ANXA4: variants seen among roughly 807,000 people sequenced by gnomAD.
ANXA4 encodes the protein annexin A4.
In ANXA4, 39 loss-of-function variants were observed where a neutral mutation model predicts 49.8. That is an observed-to-expected ratio of 0.78 (90% CI 0.61 to 1.02). The LOEUF (loss-of-function observed/expected upper bound fraction) is 1.02. ANXA4 is among the 50% of genes least tolerant of loss of function. The probability of loss-of-function intolerance (pLI) is 0.00; values close to 1 mark genes in which losing one functional copy is unlikely to be tolerated. For synonymous variants in ANXA4, 134 were observed against 152.5 expected, an observed-to-expected ratio of 0.88 and a Z score of 0.89; for missense variants, 360 against 410.1, an observed-to-expected ratio of 0.88 and a Z score of 1.05.
chr2:69,774,360 C>T (rs1335133336), intron 1 of ANXA4, among the ~76,000 whole-genome samples: 1 of 86,626 alleles, frequency 1.2e-5, no homozygotes, highest in Non-Finnish European at 2.0e-5. Context: ...TTTTTTGAGA[C>T]AGAGTTTCGC....
At chr2:69,701,462 T>A (rs909526079) in intron 2 of ANXA4, among the ~76,000 whole-genome samples, 2 of 152,226 alleles carry the variant, frequency 1.3e-5, no homozygotes, top group African/African-American at 4.8e-5. Context: ...CGGAATCATT[T>A]GTCTTTTTGT....
chr2:69,659,194 A>G (rs897022184), intron 2 of ANXA4, among the ~76,000 whole-genome samples: 1 of 152,220 alleles, frequency 6.6e-6, no homozygotes, highest in Non-Finnish European at 1.5e-5. Context: ...ATGTTTCAAG[A>G]AAGATTATAA....
chr2:69,655,330 A>G lies in ANXA4; in HGVS notation n.766+2048A>G, dbSNP rs573481128. 2.6e-4 allele frequency among the ~76,000 whole-genome samples: 40 copies of G among 152,342 alleles called. 1 individual carries two copies. The highest frequency in any genetic ancestry group is 9.6e-4 in the African/African-American group (40 of 41,580). ...TGCAAGGAACTCAAACAAATTTACA[A>G]GAAAAAAACAGACAACCCAATCAAA... On this transcript the variant is annotated intron_variant and non_coding_transcript_variant, in intron 2 of 3. Transcript: ENST00000418066.
At chr2:69,757,235 GTT>G (rs1293588999) in intron 1 of ANXA4, among the ~76,000 whole-genome samples, 3 of 60,236 alleles carry the variant, frequency 5.0e-5, no homozygotes, top group Admixed American at 2.0e-4. Flanking sequence ...AGCCATTTTT[GTT>G]TTATATATAT....
intron 2 of ANXA4, among the ~76,000 whole-genome samples, chr2:69,708,171 A>G (rs573419239): frequency 1.6e-4 from 25 of 152,332 alleles, no homozygotes; most frequent in African/African-American, 4.8e-4. Context: ...TCCTGCAAGT[A>G]TCTGGACTCT....
intron 1 of ANXA4, among the ~76,000 whole-genome samples, chr2:69,648,486 T>C (rs1322661239): frequency 6.6e-6 from 1 of 152,186 alleles, no homozygotes; most frequent in South Asian, 2.1e-4. Context: ...AGAACCACTG[T>C]TTAGCAGAAG....
At chr2:69,822,103 G>A (rs1229751441) in intron 12 of ANXA4, among the ~76,000 whole-genome samples, 3 of 152,050 alleles carry the variant, frequency 2.0e-5, no homozygotes, top group Non-Finnish European at 4.4e-5. Context: ...GCTCATGCCT[G>A]TAATCCCAGC....
intron 2 of ANXA4, among the ~76,000 whole-genome samples, chr2:69,684,528 C>T (rs963612280): frequency 1.4e-5 from 2 of 147,494 alleles, no homozygotes; most frequent in East Asian, 4.6e-4. Flanking sequence ...ACAAAAAATA[C>T]AAAAATTATC....
intron 3 of ANXA4, among the ~76,000 whole-genome samples, chr2:69,727,230 T>C (rs1273247489): frequency 6.6e-6 from 1 of 152,252 alleles, no homozygotes; most frequent in Non-Finnish European, 1.5e-5. Flanking sequence ...TTACAAATAA[T>C]GCTCCTATAA....
rs142576694 is a variant in ANXA4, at chr2:69,760,614, G to GTT, written c.-47+18445_-47+18446dup. ...CTTCTTTTAAGTATTCTGGGGCTTT[G>GTT]TTTTTTTCCCTTGTTTTCTAGCATT... On this transcript the variant is annotated intron_variant, in intron 1 of 12. Coordinates refer to ENST00000394295, the MANE Select transcript of ANXA4 (RefSeq NM_001153.5). Among the ~76,000 whole-genome samples, 117 of 152,114 alleles carry GTT rather than the reference G, an allele frequency of 7.7e-4. 2 individuals carry two copies. The highest frequency in any genetic ancestry group is 3.1e-4 in the Non-Finnish European group (21 of 67,972).
intron 3 of ANXA4, among the ~76,000 whole-genome samples, chr2:69,735,313 T>C (rs78925648): frequency 0.025 from 3,774 of 152,304 alleles, 162 homozygotes; most frequent in African/African-American, 0.087. Flanking sequence ...ACAAAGAAGA[T>C]GTGCAACCTC....
At chr2:69,649,281 A>T (rs1017374619) in intron 1 of ANXA4, among the ~76,000 whole-genome samples, 1 of 152,150 alleles carries the variant, frequency 6.6e-6, no homozygotes, top group Admixed American at 6.5e-5. Context: ...CTCATTGAAG[A>T]AAGTAGATAG....
At chr2:69,792,233 T>C (rs1252078522) in intron 3 of ANXA4, among the ~76,000 whole-genome samples, 2 of 152,194 alleles carry the variant, frequency 1.3e-5, no homozygotes, top group East Asian at 3.8e-4. Flanking sequence ...AAGTTTTTGT[T>C]TTTGCCAAAA....
intron 1 of ANXA4, chr2:69,781,316 C>T (rs1559185166): frequency 1.7e-6 from 1 of 589,428 alleles, no homozygotes; most frequent in Non-Finnish European, 3.0e-6. Flanking sequence ...AAATATTTTA[C>T]CAGTGTGATA....
chr2:69,685,953 G>A (rs1356072788), intron 2 of ANXA4, among the ~76,000 whole-genome samples: 1 of 152,160 alleles, frequency 6.6e-6, no homozygotes, highest in Non-Finnish European at 1.5e-5. Context: ...CTCAGAGGTT[G>A]GAAGAGATGT....
At chr2:69,656,335 GTATATATATGTGTATATATGTGTA>G (rs1676474497) in intron 2 of ANXA4, among the ~76,000 whole-genome samples, 6 of 92,086 alleles carry the variant, frequency 6.5e-5, no homozygotes, top group African/African-American at 4.0e-4. Flanking sequence ...ATATATATGT[GTATATATATGTGTATATATGTGTA>G]TATATATGTG....
At chr2:69,783,188 T>C (rs1672271920) in intron 2 of ANXA4, among the ~76,000 whole-genome samples, 1 of 152,166 alleles carries the variant, frequency 6.6e-6, no homozygotes, top group African/African-American at 2.4e-5. Context: ...CTAGTGGTTA[T>C]GAGTGTTTTA....
intron 2 of ANXA4, among the ~76,000 whole-genome samples, chr2:69,689,058 G>A (rs538408474): frequency 4.6e-5 from 7 of 151,914 alleles, no homozygotes; most frequent in African/African-American, 1.7e-4. Context: ...CTTCCTCTTC[G>A]AAAATATATT....
intron 2 of ANXA4, among the ~76,000 whole-genome samples, chr2:69,669,918 C>A (rs987403672): frequency 1.2e-4 from 19 of 152,136 alleles, no homozygotes. Context: ...AAGTGCCCAG[C>A]AGACTGCCCT....
Sources: gnomAD v4.1 joint callset for allele counts (sites outside exome capture counted in the v4.1 genomes callset) on GRCh38, gnomAD v4.1.1 for gene constraint, MANE v1.5 for transcripts, NCBI Gene and HGNC (gene_info 2026-07-23, HGNC 2026-07-21) for gene names.